The following SIPA1L2 variants were observed in gnomAD, a reference collection of about 807,000 sequenced individuals.
The protein encoded by SIPA1L2 is signal induced proliferation associated 1 like 2.
A neutral mutation model predicts 163.9 loss-of-function variants in SIPA1L2; 56 were observed. The ratio of observed to expected loss-of-function variants is 0.34; its 90% confidence interval spans 0.28 to 0.43. SIPA1L2 has a LOEUF of 0.43. Ranked by LOEUF, SIPA1L2 falls within the 20% of genes least tolerant of loss-of-function variation. The pLI, the probability that SIPA1L2 is intolerant of heterozygous loss-of-function variation, is 1.00. For synonymous variants in SIPA1L2, 877 were observed against 865.7 expected (o/e 1.01, Z -0.23); for missense variants, 1,974 against 2,193.5 (o/e 0.90, Z 2.00).
At chr1:232,518,001 C>T (rs1046128811) in intron 2 of SIPA1L2, among the ~76,000 whole-genome samples, 2 of 152,104 alleles carry the variant, frequency 1.3e-5, no homozygotes, top group Non-Finnish European at 1.5e-5. Flanking sequence ...GAGCTATGAT[C>T]GCACCACTGC....
At chr1:232,537,015 C>T (rs938481177) in intron 2 of SIPA1L2, among the ~76,000 whole-genome samples, 1 of 152,132 alleles carries the variant, frequency 6.6e-6, no homozygotes, top group African/African-American at 2.4e-5. Flanking sequence ...GCAGGTGGAT[C>T]GCTGAAGCTC....
intron 19 of SIPA1L2, among the ~76,000 whole-genome samples, chr1:232,408,400 TTC>T (rs1660765130): frequency 1.3e-5 from 2 of 152,160 alleles, no homozygotes; most frequent in South Asian, 4.1e-4. Flanking sequence ...TTTAATAACT[TTC>T]TGTCAGCAAA....
intron 3 of SIPA1L2, among the ~76,000 whole-genome samples, chr1:232,509,611 C>T (rs1273879979): frequency 2.0e-5 from 3 of 152,196 alleles, no homozygotes; most frequent in African/African-American, 7.2e-5. Context: ...AAGGGTCTTG[C>T]ACAACTGTGT....
intron 1 of SIPA1L2, among the ~76,000 whole-genome samples, chr1:232,587,331 CGT>C (rs1479984853): frequency 1.3e-5 from 2 of 152,130 alleles, no homozygotes; most frequent in African/African-American, 2.4e-5. Flanking sequence ...TATCACCACA[CGT>C]ATGAGGTATC....
chr1:232,551,594 G>T (rs1658384449), intron 2 of SIPA1L2, among the ~76,000 whole-genome samples: 2 of 152,252 alleles, frequency 1.3e-5, no homozygotes, highest in Admixed American at 6.5e-5. Context: ...CCCCAGTGGG[G>T]GAGGTGAGAA....
At chr1:232,621,522 C>T (rs1219120307) in intron 1 of SIPA1L2, among the ~76,000 whole-genome samples, 1 of 152,034 alleles carries the variant, frequency 6.6e-6, no homozygotes, top group African/African-American at 2.4e-5. Context: ...TTCAGAAAAC[C>T]ACACTTTCAT....
chr1:232,439,057 A>G, intron 15 of SIPA1L2, 51 bp downstream of exon 15: 1 of 1,529,386 alleles, frequency 6.5e-7, no homozygotes. Context: ...CCCAGCAGGC[A>G]GGGCCCAGGT....
intron 15 of SIPA1L2, among the ~76,000 whole-genome samples, chr1:232,437,031 A>T (rs1006921039): frequency 6.6e-6 from 1 of 152,216 alleles, no homozygotes; most frequent in African/African-American, 2.4e-5. Flanking sequence ...CAGAAATCCA[A>T]TCTAGCACTG....
rs570099982 is a variant in SIPA1L2 at position 232,570,088 on chromosome 1, C to G, written c.-270+4086G>C. Among the ~76,000 whole-genome samples the G allele has an allele frequency of 2.6e-5, 4 of 152,272 alleles. No homozygotes were observed. The South Asian group carries it at 8.3e-4, about 32-fold the overall frequency. ...GGAGTTAAAAATTCTTACTAGAAGT[C>G]TGAAAGCTGAAACACAGACCGCTGT... On this transcript the variant is annotated intron_variant, in intron 2 of 22. Transcript: ENST00000674635.
chr1:232,454,615 T>C (rs539525628), intron 10 of SIPA1L2, among the ~76,000 whole-genome samples: 1 of 152,340 alleles, frequency 6.6e-6, no homozygotes, highest in African/African-American at 2.4e-5. Flanking sequence ...CCAATGGCTG[T>C]CCACTATGGT....
intron 10 of SIPA1L2, among the ~76,000 whole-genome samples, chr1:232,450,604 A>G (rs944669341): frequency 6.6e-6 from 1 of 152,200 alleles, no homozygotes. Context: ...TCCTGGAGTT[A>G]TATGTTGAAT....
chr1:232,493,449 A>G (rs1002421260), intron 4 of SIPA1L2, 78 bp downstream of exon 4: 7 of 1,553,104 alleles, frequency 4.5e-6, no homozygotes, highest in East Asian at 4.5e-5. Flanking sequence ...TCAGTACCCT[A>G]TCTAAAACAA....
chr1:232,449,219 T>C (rs947505834), intron 10 of SIPA1L2, among the ~76,000 whole-genome samples: 2 of 151,996 alleles, frequency 1.3e-5, no homozygotes, highest in Non-Finnish European at 2.9e-5. Flanking sequence ...TTATGAGAGA[T>C]AAAAACTTAA....
chr1:232,585,542 CCT>C (rs1007473464), intron 1 of SIPA1L2, among the ~76,000 whole-genome samples: 3 of 152,184 alleles, frequency 2.0e-5, no homozygotes, highest in Non-Finnish European at 4.4e-5. Context: ...TCTCTCTCCT[CCT>C]CTCTCTGTGT....
intron 6 of SIPA1L2, among the ~76,000 whole-genome samples, chr1:232,480,961 A>G (rs1428334353): frequency 6.6e-6 from 1 of 152,148 alleles, no homozygotes; most frequent in Non-Finnish European, 1.5e-5. Context: ...CTTTAGAAAA[A>G]ATATCCTATA....
At chr1:232,456,595 A>C (rs986216983) in intron 10 of SIPA1L2, among the ~76,000 whole-genome samples, 5 of 152,238 alleles carry the variant, frequency 3.3e-5, no homozygotes, top group African/African-American at 9.6e-5. Context: ...ACTCATGCAT[A>C]ATTCTGATGA....
At chr1:232,620,466 T>C (rs1662743869) in intron 1 of SIPA1L2, among the ~76,000 whole-genome samples, 2 of 152,148 alleles carry the variant, frequency 1.3e-5, no homozygotes, top group African/African-American at 4.8e-5. Context: ...CTCTTGAAAC[T>C]CTCCTAGGGC....
At chr1:232,556,211 ACTCAACTAAGCT>A (rs901202097) in intron 2 of SIPA1L2, among the ~76,000 whole-genome samples, 5 of 152,198 alleles carry the variant, frequency 3.3e-5, no homozygotes, top group African/African-American at 1.2e-4. Flanking sequence ...AATGAACTGA[ACTCAACTAAGCT>A]TCTCTCATCA....
chr1:232,487,694 T>C (rs1362551274), intron 5 of SIPA1L2, among the ~76,000 whole-genome samples: 1 of 151,714 alleles, frequency 6.6e-6, no homozygotes, highest in African/African-American at 2.4e-5. Context: ...GCAAAACGTC[T>C]TGTTTAATAA....
Sources: allele counts gnomAD v4.1 joint callset (sites outside exome capture counted in the v4.1 genomes callset), GRCh38; gene constraint gnomAD v4.1.1; transcripts MANE v1.5; gene names NCBI Gene and HGNC (gene_info 2026-07-23, HGNC 2026-07-21).